AGBL4: variants seen among roughly 807,000 people sequenced by gnomAD.
The protein encoded by AGBL4 is cytosolic carboxypeptidase 6.
In AGBL4, 58 loss-of-function variants were observed where a neutral mutation model predicts 66.4. That is an observed-to-expected ratio of 0.87 (90% CI 0.71 to 1.09). AGBL4 has a LOEUF of 1.09. Ranked by LOEUF, AGBL4 falls within the 50% of genes least tolerant of loss-of-function variation. AGBL4 has a pLI of 0.00. For missense variants in AGBL4, 579 were observed against 631.0 expected (o/e 0.92, Z 0.88); for synonymous variants, 234 against 222.9 (o/e 1.05, Z -0.44).
intron 3 of AGBL4, among the ~76,000 whole-genome samples, chr1:49,644,604 T>C (rs539817684): frequency 5.9e-5 from 9 of 151,680 alleles, no homozygotes; most frequent in South Asian, 4.1e-4. Flanking sequence ...TAACAGAGTT[T>C]TGAAAATCCT....
chr1:48,571,802 T>C (rs1644568558), intron 11 of AGBL4, among the ~76,000 whole-genome samples: 1 of 152,152 alleles, frequency 6.6e-6, no homozygotes, highest in Non-Finnish European at 1.5e-5. Flanking sequence ...CCACAAACCT[T>C]TCCTGTAGGA....
chr1:48,940,144 C>T (rs1571052164), intron 5 of AGBL4, among the ~76,000 whole-genome samples: 1 of 152,268 alleles, frequency 6.6e-6, no homozygotes, highest in East Asian at 1.9e-4. Flanking sequence ...TTGAGGAAGG[C>T]CCGGGTGGGC....
At chr1:49,330,199 CT>C (rs1645305640) in intron 3 of AGBL4, among the ~76,000 whole-genome samples, 1 of 152,132 alleles carries the variant, frequency 6.6e-6, no homozygotes, top group African/African-American at 2.4e-5. Flanking sequence ...GGCAGATCAC[CT>C]GAGGTCAGGA....
chr1:49,824,362 G>A (rs754676253), intron 2 of AGBL4, among the ~76,000 whole-genome samples: 7 of 152,170 alleles, frequency 4.6e-5, no homozygotes, highest in Non-Finnish European at 1.0e-4. Flanking sequence ...TCTGTCCAAG[G>A]TAAAGATTCC....
intron 2 of AGBL4, among the ~76,000 whole-genome samples, chr1:49,813,900 G>A (rs1645168171): frequency 6.6e-6 from 1 of 152,112 alleles, no homozygotes; most frequent in Non-Finnish European, 1.5e-5. Context: ...GCACCCAGTG[G>A]GAGGTAACTG....
intron 1 of AGBL4, among the ~76,000 whole-genome samples, chr1:49,980,569 G>A (rs995900454): frequency 6.6e-6 from 1 of 151,978 alleles, no homozygotes; most frequent in African/African-American, 2.4e-5. Context: ...TGTCCTCCAG[G>A]TTCACCATGT....
chr1:49,844,738 A>G, intron 2 of AGBL4: 1 of 1,601,236 alleles, frequency 6.2e-7, no homozygotes, highest in East Asian at 2.2e-5. Flanking sequence ...AAAGCAACGT[A>G]TCTCTGAAGA....
At chr1:48,887,589 G>T (rs886502737) in intron 5 of AGBL4, among the ~76,000 whole-genome samples, 1 of 152,080 alleles carries the variant, frequency 6.6e-6, no homozygotes, top group East Asian at 1.9e-4. Context: ...GAGAATAGAC[G>T]TCCCTCTGAA....
intron 6 of AGBL4, among the ~76,000 whole-genome samples, chr1:48,779,977 G>A (rs1277001218): frequency 1.3e-5 from 2 of 151,892 alleles, no homozygotes; most frequent in Non-Finnish European, 2.9e-5. Context: ...GCCTCCCAAT[G>A]TGCTGGGATT....
intron 3 of AGBL4, among the ~76,000 whole-genome samples, chr1:49,373,327 T>C (rs1644405265): frequency 6.6e-6 from 1 of 152,160 alleles, no homozygotes; most frequent in African/African-American, 2.4e-5. Flanking sequence ...ATAAATTAAG[T>C]AGAACTGATA....
At chr1:49,220,611 AAG>A (rs1175259452) in intron 4 of AGBL4, among the ~76,000 whole-genome samples, 1 of 152,060 alleles carries the variant, frequency 6.6e-6, no homozygotes, top group East Asian at 1.9e-4. Context: ...TGGTTCTCAG[AAG>A]AGAGTCAACT....
chr1:48,535,760 G>C (rs1643959729), intron 12 of AGBL4, among the ~76,000 whole-genome samples: 1 of 152,014 alleles, frequency 6.6e-6, no homozygotes, highest in Admixed American at 6.6e-5. Flanking sequence ...AAGTTTTCTT[G>C]GACATGCCTG....
chr1:49,086,993 C>T (rs902879636), intron 4 of AGBL4, among the ~76,000 whole-genome samples: 9 of 151,006 alleles, frequency 6.0e-5, no homozygotes, highest in African/African-American at 1.7e-4. Flanking sequence ...CCTTATACCA[C>T]AATCAAATTA....
In AGBL4 at chr1:49,703,777, C is replaced by A. The variant is rs377637604; in HGVS notation, c.158-6340G>T. ...TAGGAAAGAGGAAATAATACTAGAA[C>A]TTTCCTTACTTACAGATGAGAGTGT... On this transcript the variant is annotated intron_variant, in intron 2 of 13. Transcript: ENST00000371839. Among the ~76,000 whole-genome samples the A allele has an allele frequency of 1.9e-4, 29 of 151,992 alleles. No homozygotes were observed. The East Asian group carries it at 3.1e-3, about 16-fold the overall frequency.
intron 1 of AGBL4, among the ~76,000 whole-genome samples, chr1:49,919,418 A>G (rs909513136): frequency 2.0e-5 from 3 of 152,214 alleles, no homozygotes; most frequent in African/African-American, 7.2e-5. Context: ...ATGTGCAAAA[A>G]TCACAAGCAT....
At chr1:49,181,934 T>G (rs557391302) in intron 4 of AGBL4, among the ~76,000 whole-genome samples, 78 of 152,284 alleles carry the variant, frequency 5.1e-4, no homozygotes, top group African/African-American at 1.8e-3. Flanking sequence ...ACAGGAGTTG[T>G]GGTTTTCCCT....
intron 2 of AGBL4, among the ~76,000 whole-genome samples, chr1:49,770,333 T>A (rs1557429566): frequency 6.6e-6 from 1 of 152,248 alleles, no homozygotes; most frequent in Admixed American, 6.5e-5. Context: ...TTTATTGATT[T>A]GCATATGTTG....
Position 49,946,296 on chromosome 1 carries a change from C to T in AGBL4, c.34+77467G>A, listed in dbSNP as rs146805047. 2.0e-4 allele frequency among the ~76,000 whole-genome samples: 31 copies of T among 151,974 alleles called. 1 individual carries two copies. Among genetic ancestry groups the T allele is most frequent in the Admixed American group, 1.2e-3 (19 of 15,242 alleles). On this transcript the variant is annotated intron_variant, in intron 1 of 13. Coordinates refer to ENST00000371839, the MANE Select transcript of AGBL4 (RefSeq NM_032785.4). ...TGCATGGAACTTTCTCCAAGATAGACGATATGATAGCCTACAAAACAAGCC... is the reference window on the plus strand; with the variant it reads ...TGCATGGAACTTTCTCCAAGATAGATGATATGATAGCCTACAAAACAAGCC...
chr1:48,840,597 G>A (rs1161771980), intron 6 of AGBL4, among the ~76,000 whole-genome samples: 3 of 152,096 alleles, frequency 2.0e-5, no homozygotes, highest in African/African-American at 7.2e-5. Context: ...CAATTAGACT[G>A]GTGAGAATAA....
Sources: allele counts gnomAD v4.1 joint callset (sites outside exome capture counted in the v4.1 genomes callset), GRCh38; gene constraint gnomAD v4.1.1; transcripts MANE v1.5; gene names NCBI Gene and HGNC (gene_info 2026-07-23, HGNC 2026-07-21).